The following PTPN3 variants were observed in gnomAD, a reference collection of about 807,000 sequenced individuals.
PTPN3 encodes tyrosine-protein phosphatase non-receptor type 3.
A neutral mutation model predicts 132.7 loss-of-function variants in PTPN3; 96 were observed. That is an observed-to-expected ratio of 0.72 (90% confidence interval 0.61 to 0.86). PTPN3 has a LOEUF of 0.86. Ranked by LOEUF, PTPN3 falls within the 40% of genes least tolerant of loss-of-function variation. The pLI is 0.00. For missense variants in PTPN3, 1,125 were observed against 1,159.6 expected, an observed-to-expected ratio of 0.97 and a Z score of 0.43; for synonymous variants, 398 against 429.0, an observed-to-expected ratio of 0.93 and a Z score of 0.89.
intron 1 of PTPN3, among the ~76,000 whole-genome samples, chr9:109,479,090 T>A (rs12376215): frequency 0.27 from 40,764 of 152,022 alleles, 5,746 homozygotes; most frequent in South Asian, 0.42. Context: ...ATTCAGTGGC[T>A]TTAATTATAT....
At chr9:109,487,667 G>C (rs1255908640) in intron 1 of PTPN3, among the ~76,000 whole-genome samples, 1 of 152,184 alleles carries the variant, frequency 6.6e-6, no homozygotes, top group South Asian at 2.1e-4. Context: ...ACGAAAAGAA[G>C]AAAAAGACAG....
intron 12 of PTPN3, among the ~76,000 whole-genome samples, chr9:109,426,238 CATTTT>C (rs1843272675): frequency 6.7e-6 from 1 of 148,732 alleles, no homozygotes; most frequent in African/African-American, 2.4e-5. Context: ...TACTGTACAT[CATTTT>C]ATTTAGAGAA....
rs1473445242 is a variant in PTPN3, at chr9:109,428,519, G to A, written c.828+102C>T. The A allele has an allele frequency of 3.2e-6, 4 of 1,232,070 alleles. No individual in the cohort carries two copies. In the African/African-American group the frequency reaches 4.5e-5, roughly 14 times the overall value. The allele number at this position is 1,232,070 out of a possible 1,614,324, so 76.3% of individuals were successfully genotyped here. ...CCAGCTACTTGGGAGGCTGAGGCAG[G>A]AGGATCCCCTGAGCTCAGTTTGGGC... On this transcript the variant is annotated intron_variant, in intron 11 of 25. Coordinates refer to ENST00000374541, the MANE Select transcript of PTPN3 (RefSeq NM_002829.4).
chr9:109,461,252 A>T (rs1051569074), intron 2 of PTPN3, among the ~76,000 whole-genome samples: 1 of 152,230 alleles, frequency 6.6e-6, no homozygotes, highest in Non-Finnish European at 1.5e-5. Flanking sequence ...GCACATTGAG[A>T]CAACTCGGGG....
chr9:109,380,428 G>T (rs554506748), intron 25 of PTPN3, among the ~76,000 whole-genome samples: 3 of 152,116 alleles, frequency 2.0e-5, no homozygotes, highest in Non-Finnish European at 4.4e-5. Context: ...GCTAATTTTT[G>T]TATTTTCATT....
intron 22 of PTPN3, 38 bp from the exon 23 acceptor site, chr9:109,383,589 TGG>T: frequency 1.9e-6 from 3 of 1,604,886 alleles, no homozygotes; most frequent in Non-Finnish European, 2.6e-6. Context: ...GCCCCGTCTG[TGG>T]GGTGTTCCTG....
intron 14 of PTPN3, among the ~76,000 whole-genome samples, chr9:109,411,812 G>A (rs558443036): frequency 3.0e-4 from 46 of 152,220 alleles, no homozygotes; most frequent in Middle Eastern, 3.4e-3. Flanking sequence ...CAATCTATTT[G>A]AATAAAATAT....
rs143619673 is a variant in PTPN3, at chr9:109,473,935, T to C, written c.-17-10484A>G. ...TCTTTTTTTTTTTTTTAAAGAGTTT[T>C]AGGAAATCTGATTATGATGCAGTGT... On this transcript the variant is annotated intron_variant, in intron 1 of 25. Transcript: ENST00000374541. 2.9e-3 allele frequency among the ~76,000 whole-genome samples: 439 copies of C among 151,642 alleles called. 2 individuals are homozygous for C. The highest frequency in any genetic ancestry group is 9.8e-3 in the African/African-American group (405 of 41,296).
chr9:109,507,252 C>T, the PTPN3 span, among the ~76,000 whole-genome samples: 1 of 152,288 alleles, frequency 6.6e-6, no homozygotes, highest in South Asian at 2.1e-4. Flanking sequence ...ATGATGCCTC[C>T]CTGATACAGG....
intron 19 of PTPN3, among the ~76,000 whole-genome samples, chr9:109,400,950 C>T (rs1841038707): frequency 6.6e-6 from 1 of 152,182 alleles, no homozygotes. Context: ...GCCTAGGGCT[C>T]CCTGGGGGCC....
At chr9:109,449,707 T>A in intron 5 of PTPN3, 8 of 985,416 alleles carry the variant, frequency 8.1e-6, no homozygotes, top group Non-Finnish European at 9.6e-6. Flanking sequence ...GGGATAGACA[T>A]TCCATTGTCT....
intron 14 of PTPN3, among the ~76,000 whole-genome samples, chr9:109,410,942 G>A (rs1369034956): frequency 6.6e-6 from 1 of 152,216 alleles, no homozygotes; most frequent in Non-Finnish European, 1.5e-5. Context: ...TCCATGAACT[G>A]CCACGCTGAG....
intron 14 of PTPN3, 29 bp from the exon 15 acceptor site, chr9:109,410,444 A>G: frequency 6.2e-7 from 1 of 1,605,944 alleles, no homozygotes; most frequent in African/African-American, 1.3e-5. Flanking sequence ...GGAGATATTA[A>G]TAACTGGGTT....
the PTPN3 span, among the ~76,000 whole-genome samples, chr9:109,512,235 C>T: frequency 6.6e-6 from 1 of 152,294 alleles, no homozygotes; most frequent in South Asian, 2.1e-4. Flanking sequence ...CAGATTCTCA[C>T]CCCTGACCTA....
the PTPN3 span, among the ~76,000 whole-genome samples, chr9:109,506,192 T>A: frequency 6.6e-6 from 1 of 152,230 alleles, no homozygotes; most frequent in African/African-American, 2.4e-5. Flanking sequence ...GGGTCTCTGA[T>A]GTCATCCACC....
In PTPN3 at chr9:109,381,888, T is replaced by C; in HGVS notation, c.2529-101A>G. The C allele has an allele frequency of 3.5e-6, 5 of 1,439,624 alleles. No homozygotes were observed. The East Asian group carries it at 1.2e-4, about 33-fold the overall frequency. The allele number at this position is 1,439,624 out of a possible 1,614,324, so 89.2% of individuals were successfully genotyped here. ...CTGACTCCAAAGGGGCTTTCCTCCC[T>C]TGGCCTTCGAGAAGACAAAACGCAC... On this transcript the variant is annotated intron_variant, in intron 24 of 25. Coordinates refer to ENST00000374541, the MANE Select transcript of PTPN3 (RefSeq NM_002829.4).
At chr9:109,487,968 C>T (rs796585945) in intron 1 of PTPN3, among the ~76,000 whole-genome samples, 6 of 152,152 alleles carry the variant, frequency 3.9e-5, no homozygotes, top group African/African-American at 1.2e-4. Context: ...AAGAGGGAGC[C>T]GGAAAAGGTT....
intron 7 of PTPN3, among the ~76,000 whole-genome samples, chr9:109,441,116 T>C (rs1844433164): frequency 6.6e-6 from 1 of 152,214 alleles, no homozygotes; most frequent in South Asian, 2.1e-4. Context: ...CCATAGTCCC[T>C]GCTCTTACCT....
intron 5 of PTPN3, among the ~76,000 whole-genome samples, chr9:109,451,984 G>A (rs1332894207): frequency 6.6e-6 from 1 of 152,140 alleles, no homozygotes; most frequent in Admixed American, 6.6e-5. Flanking sequence ...AAAAAAGGAA[G>A]TAAGGCCGGG....
Sources: allele counts gnomAD v4.1 joint callset (sites outside exome capture counted in the v4.1 genomes callset), GRCh38; gene constraint gnomAD v4.1.1; transcripts MANE v1.5; gene names NCBI Gene and HGNC (gene_info 2026-07-23, HGNC 2026-07-21).